The following CACNA2D2 variants were observed in gnomAD, a reference collection of about 807,000 sequenced individuals.
The protein encoded by CACNA2D2 is calcium voltage-gated channel auxiliary subunit alpha2delta 2, also known as voltage-dependent calcium channel subunit alpha-2/delta-2.
Under a neutral mutation model 166.4 loss-of-function variants are expected in CACNA2D2, and 48 were observed. That is an observed-to-expected ratio of 0.29 (90% confidence interval 0.23 to 0.37). The LOEUF is 0.37. Ranked by LOEUF, CACNA2D2 falls within the 10% of genes least tolerant of loss-of-function variation. The pLI is 1.00. For synonymous variants in CACNA2D2, 561 were observed against 573.7 expected, an observed-to-expected ratio of 0.98 and a Z score of 0.32; for missense variants, 1,122 against 1,433.0, an observed-to-expected ratio of 0.78 and a Z score of 3.50.
chr3:50,442,155 G>A (rs1157994678), intron 2 of CACNA2D2, among the ~76,000 whole-genome samples: 1 of 152,140 alleles, frequency 6.6e-6, no homozygotes, highest in Admixed American at 6.5e-5. Context: ...GATGCTTTGG[G>A]GACAGGTTTG....
chr3:50,387,246 C>A (rs908931834), intron 5 of CACNA2D2, among the ~76,000 whole-genome samples: 1 of 152,168 alleles, frequency 6.6e-6, no homozygotes, highest in African/African-American at 2.4e-5. Context: ...GGAAGCCTTC[C>A]CAGCTGCTCC....
At chr3:50,462,258 G>A (rs1211535704) in intron 2 of CACNA2D2, among the ~76,000 whole-genome samples, 2 of 152,002 alleles carry the variant, frequency 1.3e-5, no homozygotes, top group African/African-American at 4.8e-5. Flanking sequence ...GTGTGGTGGT[G>A]CGTGCCTGAA....
At chr3:50,465,668 A>T (rs1709798541) in intron 2 of CACNA2D2, among the ~76,000 whole-genome samples, 1 of 152,124 alleles carries the variant, frequency 6.6e-6, no homozygotes, top group Non-Finnish European at 1.5e-5. Flanking sequence ...GGGGACCCTC[A>T]CTTTCTAGGA....
chr3:50,434,694 C>T (rs1445063989), intron 2 of CACNA2D2, among the ~76,000 whole-genome samples: 1 of 152,242 alleles, frequency 6.6e-6, no homozygotes, highest in African/African-American at 2.4e-5. Flanking sequence ...GTTGTCACTG[C>T]CTTCTCTGGG....
At chr3:50,412,051 C>T (rs1707044631) in intron 3 of CACNA2D2, among the ~76,000 whole-genome samples, 1 of 152,244 alleles carries the variant, frequency 6.6e-6, no homozygotes, top group Non-Finnish European at 1.5e-5. Flanking sequence ...TCTCCCTTGA[C>T]TTCCAGGAGG....
chr3:50,384,439 AGG>A, intron 5 of CACNA2D2, 102 bp from the exon 6 acceptor site: 1 of 1,312,030 alleles, frequency 7.6e-7, no homozygotes, highest in Non-Finnish European at 1.1e-6. Flanking sequence ...TCCAGGAGAT[AGG>A]GGCATCTCAA....
chr3:50,410,370 G>T (rs565569738), intron 3 of CACNA2D2, among the ~76,000 whole-genome samples: 6 of 152,230 alleles, frequency 3.9e-5, no homozygotes, highest in Non-Finnish European at 7.3e-5. Flanking sequence ...TCTGCAGAAG[G>T]GGGATCCCCT....
chr3:50,413,069 G>C (rs1230677093), intron 3 of CACNA2D2, among the ~76,000 whole-genome samples: 1 of 152,238 alleles, frequency 6.6e-6, no homozygotes, highest in Non-Finnish European at 1.5e-5. Context: ...GGAGTCTAGA[G>C]CTAGGGCCCC....
Position 50,375,794 on chromosome 3 carries a change from G to T in CACNA2D2, c.1845+15C>A, listed in dbSNP as rs747227543. The T allele has an allele frequency of 2.9e-5, 46 of 1,612,850 alleles. 2 individuals are homozygous for T. In the South Asian group the frequency reaches 4.9e-4, roughly 17 times the overall value. ...GCCCACCCTGACTCCCTGGCCCCCA[G>T]CCCTGCCTCCTTACCTCATCCAGGG... On this transcript the variant is annotated intron_variant, in intron 20 of 37. Coordinates refer to ENST00000424201, the MANE Select transcript of CACNA2D2 (RefSeq NM_006030.4). This position sits in a 1 kb window ranked among gnomAD's most constrained non-coding sequence, Gnocchi z 4.0.
At chr3:50,496,117 G>A (rs1373259583) in intron 1 of CACNA2D2, among the ~76,000 whole-genome samples, 2 of 152,188 alleles carry the variant, frequency 1.3e-5, no homozygotes, top group South Asian at 2.1e-4. Flanking sequence ...TTGCCCAGCC[G>A]AGCCCTGGCA....
intron 6 of CACNA2D2, 98 bp downstream of exon 6, chr3:50,384,098 C>A: frequency 6.8e-7 from 1 of 1,464,740 alleles, no homozygotes; most frequent in East Asian, 2.3e-5. Flanking sequence ...AGGTAGATGG[C>A]ACTGGCCTTC....
Position 50,379,055 on chromosome 3 carries a change from C to A in CACNA2D2, c.1260+37G>T. ...GGGACAGCCCTCTTCTGTACTGGGC[C>A]CAGGTCAGGGTAGCCCCTGCCTCGG... On this transcript the variant is annotated intron_variant, in intron 12 of 37. Transcript: ENST00000424201. This position sits in a 1 kb window ranked among gnomAD's most constrained non-coding sequence, Gnocchi z 6.5. 1 of 1,613,544 alleles carries A rather than the reference C, an allele frequency of 6.2e-7. No individual in the cohort carries two copies. Among genetic ancestry groups the A allele is most frequent in the Non-Finnish European group, 8.5e-7 (1 of 1,179,654 alleles).
intron 13 of CACNA2D2, 97 bp from the exon 14 acceptor site, chr3:50,378,430 G>A (rs936382798): frequency 5.8e-6 from 7 of 1,207,386 alleles, no homozygotes; most frequent in South Asian, 3.9e-5. Flanking sequence ...GCCCTGCCTC[G>A]CCTCTTGGGC....
chr3:50,387,607 T>C lies in CACNA2D2; in HGVS notation c.471A>G (p.Glu157=). 6.2e-7 allele frequency: 1 copy of C among 1,612,986 alleles called. No individual in the cohort carries two copies. The highest frequency in any genetic ancestry group is 8.5e-7 in the Non-Finnish European group (1 of 1,179,208). ...AHRWQDNIKE[E]DIVYYDAKAD... is the part of the protein sequence containing the mutation. ...CCTTGGCGTCATAGTACACGATGTCTTCCTCCTGGTGAGGGGAGAGAGGCC... is the reference window on the plus strand; with the variant it reads ...CCTTGGCGTCATAGTACACGATGTCCTCCTCCTGGTGAGGGGAGAGAGGCC... Residue 157 remains glutamate, a synonymous_variant, in exon 5 of 38, where the codon GAA becomes GAG. Coordinates refer to ENST00000424201, the MANE Select transcript of CACNA2D2 (RefSeq NM_006030.4).
intron 1 of CACNA2D2, among the ~76,000 whole-genome samples, chr3:50,482,908 T>TGATA (rs1281349273): frequency 2.0e-5 from 3 of 152,102 alleles, no homozygotes; most frequent in Non-Finnish European, 4.4e-5. Flanking sequence ...CTCCCAAGGA[T>TGATA]GATAGGGCTG....
In CACNA2D2 at chr3:50,503,588, C is replaced by A. The variant is rs946156108; in HGVS notation, c.-165G>T. The stretch of plus-strand genomic sequence containing the variant: ...GGCTGCACGGGCCGCAGCGCCTCTG[C>A]GGGCTGCGCGCTGCTATCTCCCTGC... On this transcript the variant is annotated 5_prime_UTR_variant, in exon 1 of 38. Transcript: ENST00000424201. 1.2e-5 allele frequency: 2 copies of A among 166,022 alleles called. No individual in the cohort carries two copies. The highest frequency in any genetic ancestry group is 6.4e-5 in the Admixed American group (1 of 15,690). The allele number at this position is 166,022 out of a possible 1,614,324, so 10.3% of individuals were successfully genotyped here.
chr3:50,435,759 G>A (rs534515431), intron 2 of CACNA2D2, among the ~76,000 whole-genome samples: 10 of 152,076 alleles, frequency 6.6e-5, no homozygotes, highest in African/African-American at 2.2e-4. Flanking sequence ...TCCTCCTCCC[G>A]CCACCCCCAT....
At chr3:50,451,445 C>A (rs1401480311) in intron 2 of CACNA2D2, among the ~76,000 whole-genome samples, 1 of 152,124 alleles carries the variant, frequency 6.6e-6, no homozygotes, top group Non-Finnish European at 1.5e-5. Flanking sequence ...TTTTAAGGCC[C>A]CTCCCCAGGC....
rs998299004 is a variant in CACNA2D2, at chr3:50,379,268, G to A, written c.1153-69C>T. 2.4e-5 allele frequency: 35 copies of A among 1,475,794 alleles called. No homozygotes were observed. The highest frequency in any genetic ancestry group is 4.5e-5 in the East Asian group (2 of 44,002). The allele number at this position is 1,475,794 out of a possible 1,614,324, so 91.4% of individuals were successfully genotyped here. ...GGTCCAGGGGCAGGGCCTCCCTCCC[G>A]CAGTGGGCCTGGACCTCTGGCCCTC... On this transcript the variant is annotated intron_variant, in intron 11 of 37. Transcript: ENST00000424201. This position sits in a 1 kb window ranked among gnomAD's most constrained non-coding sequence, Gnocchi z 6.5.
Sources: allele counts gnomAD v4.1 joint callset (sites outside exome capture counted in the v4.1 genomes callset), GRCh38; gene constraint gnomAD v4.1.1; non-coding constraint Gnocchi (gnomAD v3.1); transcripts MANE v1.5; gene names NCBI Gene and HGNC (gene_info 2026-07-23, HGNC 2026-07-21).